The following COPS3 variants were observed in gnomAD, a reference collection of about 807,000 sequenced individuals.
COPS3 encodes the protein COP9 signalosome complex subunit 3.
COPS3 carries 10 observed loss-of-function variants against 58.2 expected under a neutral mutation model. That is an observed-to-expected ratio of 0.17 (90% CI 0.11 to 0.29). The LOEUF (loss-of-function observed/expected upper bound fraction) is 0.29, where lower values mean the gene tolerates loss of function less well. COPS3 is among the 10% of genes least tolerant of loss of function. The pLI, the probability that COPS3 is intolerant of heterozygous loss-of-function variation, is 1.00. For missense variants in COPS3, 333 were observed against 510.1 expected, an observed-to-expected ratio of 0.65 and a Z score of 3.34; for synonymous variants, 187 against 181.7, an observed-to-expected ratio of 1.03 and a Z score of -0.24.
chr17:17,279,112 G>A (rs990160659), intron 1 of COPS3, among the ~76,000 whole-genome samples: 2 of 152,082 alleles, frequency 1.3e-5, no homozygotes, highest in African/African-American at 2.4e-5. Context: ...GACCTCAGAT[G>A]ATCCGCCCGC....
chr17:17,256,462 G>A (rs533232404), intron 8 of COPS3, among the ~76,000 whole-genome samples: 1 of 152,240 alleles, frequency 6.6e-6, no homozygotes, highest in South Asian at 2.1e-4. Flanking sequence ...GGAAACCAGT[G>A]TTTACCACTG....
At chr17:17,262,179 A>G in intron 6 of COPS3, 73 bp from the exon 7 acceptor site, 3 of 1,347,416 alleles carry the variant, frequency 2.2e-6, no homozygotes, top group Non-Finnish European at 3.1e-6. Flanking sequence ...CACATGTATC[A>G]CATTAATTAT....
intron 1 of COPS3, chr17:17,280,483 C>T (rs1434928141): frequency 2.6e-5 from 27 of 1,046,088 alleles, no homozygotes; most frequent in East Asian, 9.2e-5. Flanking sequence ...TCGCTTGAAG[C>T]CGGGAGGCTG....
intron 6 of COPS3, 121 bp from the exon 7 acceptor site, chr17:17,262,227 T>TGTCCCA: frequency 1.1e-6 from 1 of 905,444 alleles, no homozygotes; most frequent in Non-Finnish European, 1.7e-6. Flanking sequence ...ATTATTTTTA[T>TGTCCCA]AACAGCCTTA....
chr17:17,281,062 G>A (rs530205990), intron 1 of COPS3, 70 bp downstream of exon 1: 136 of 1,521,510 alleles, frequency 8.9e-5, no homozygotes, highest in Non-Finnish European at 1.1e-4. Flanking sequence ...AGCCGTCCGT[G>A]CTGGCGCCTG....
intron 9 of COPS3, among the ~76,000 whole-genome samples, chr17:17,250,237 A>G (rs2047811908): frequency 6.7e-6 from 1 of 149,178 alleles, no homozygotes; most frequent in Non-Finnish European, 1.5e-5. Flanking sequence ...GCTGCACTGA[A>G]ATATAACTTA....
At chr17:17,267,860 T>C in intron 5 of COPS3, 25 bp downstream of exon 5, 1 of 1,610,608 alleles carries the variant, frequency 6.2e-7, no homozygotes. Flanking sequence ...TGACTTGGTG[T>C]GAATCACACA....
At chr17:17,254,231 C>T (rs2047911634) in intron 9 of COPS3, among the ~76,000 whole-genome samples, 1 of 150,460 alleles carries the variant, frequency 6.6e-6, no homozygotes, top group African/African-American at 2.5e-5. Flanking sequence ...TTACTTAAAC[C>T]CAGGGAATTG....
chr17:17,280,160 C>T (rs1267235427), intron 1 of COPS3, among the ~76,000 whole-genome samples: 1 of 152,150 alleles, frequency 6.6e-6, no homozygotes, highest in Non-Finnish European at 1.5e-5. Context: ...GCCTGTAATC[C>T]CAGCACTTTG....
At chr17:17,255,044 G>T in intron 8 of COPS3, 99 bp from the exon 9 acceptor site, 1 of 735,874 alleles carries the variant, frequency 1.4e-6, no homozygotes, top group Non-Finnish European at 2.3e-6. Flanking sequence ...GCTCATGTCT[G>T]TAATCCCAGC....
chr17:17,247,602 A>C (rs752924351), intron 10 of COPS3, 42 bp from the exon 11 acceptor site: 6 of 1,587,000 alleles, frequency 3.8e-6, no homozygotes, highest in Admixed American at 3.3e-5. Context: ...CGGCGGGTTT[A>C]GGTCAGCTGC....
chr17:17,248,108 T>G (rs2145180689), intron 10 of COPS3, among the ~76,000 whole-genome samples: 1 of 152,280 alleles, frequency 6.6e-6, no homozygotes, highest in South Asian at 2.1e-4. Flanking sequence ...CCGACTCTGC[T>G]TCTCACATAG....
chr17:17,267,683 C>T (rs1250645521), intron 5 of COPS3, among the ~76,000 whole-genome samples: 2 of 151,452 alleles, frequency 1.3e-5, no homozygotes, highest in East Asian at 1.9e-4. Context: ...CCTATCTGTT[C>T]GACAAGCTTA....
chr17:17,278,790 G>T (rs914237042), intron 1 of COPS3, among the ~76,000 whole-genome samples: 1 of 151,384 alleles, frequency 6.6e-6, no homozygotes, highest in Non-Finnish European at 1.5e-5. Flanking sequence ...CAGGGCCAAG[G>T]GCAGAGTAAA....
At chr17:17,259,135 A>G (rs1220851553) in intron 8 of COPS3, among the ~76,000 whole-genome samples, 1 of 152,098 alleles carries the variant, frequency 6.6e-6, no homozygotes, top group Non-Finnish European at 1.5e-5. Flanking sequence ...ATTGCTGGGT[A>G]GCCTAGCAAA....
intron 6 of COPS3, among the ~76,000 whole-genome samples, chr17:17,262,486 T>C (rs1163219614): frequency 1.3e-5 from 2 of 152,022 alleles, no homozygotes; most frequent in Non-Finnish European, 2.9e-5. Context: ...TCCCAGCACT[T>C]TGAGAGGCCG....
intron 8 of COPS3, 129 bp downstream of exon 8, chr17:17,260,172 T>C: frequency 3.3e-6 from 3 of 913,202 alleles, no homozygotes; most frequent in Non-Finnish European, 5.1e-6. Context: ...AAGAGAGTTC[T>C]CTCTCAGCAC....
chr17:17,280,886 G>A, intron 1 of COPS3: 2 of 1,010,466 alleles, frequency 2.0e-6, no homozygotes, highest in East Asian at 2.9e-5. Context: ...CCCAGGCCGG[G>A]GGGAGGGGGC....
At chr17:17,248,805 G>A in intron 10 of COPS3, 121 bp downstream of exon 10, 1 of 618,256 alleles carries the variant, frequency 1.6e-6, no homozygotes, top group Admixed American at 3.2e-5. Context: ...TAGTAACTAA[G>A]ATGTTCACAG....
Sources: gnomAD v4.1 joint callset for allele counts (sites outside exome capture counted in the v4.1 genomes callset) on GRCh38, gnomAD v4.1.1 for gene constraint, MANE v1.5 for transcripts, NCBI Gene and HGNC (gene_info 2026-07-23, HGNC 2026-07-21) for gene names.